MTHFD1L: variants seen among roughly 807,000 people sequenced by gnomAD.
MTHFD1L encodes methylenetetrahydrofolate dehydrogenase (NADP+ dependent) 1 like.
Under a neutral mutation model 119.5 loss-of-function variants are expected in MTHFD1L, and 81 were observed. The observed-to-expected ratio is 0.68, with a 90% CI of 0.57 to 0.82. The LOEUF is 0.82. MTHFD1L is among the 40% of genes least tolerant of loss of function. The pLI, the probability that MTHFD1L is intolerant of heterozygous loss-of-function variation, is 0.00. For missense variants in MTHFD1L, 1,125 were observed against 1,253.4 expected, an observed-to-expected ratio of 0.90 and a Z score of 1.55; for synonymous variants, 430 against 475.2, an observed-to-expected ratio of 0.90 and a Z score of 1.24.
intron 21 of MTHFD1L, among the ~76,000 whole-genome samples, chr6:151,010,764 T>C (rs1483771913): frequency 1.5e-5 from 2 of 135,836 alleles, no homozygotes; most frequent in African/African-American, 6.1e-5. Context: ...TTAATCATTT[T>C]GAAATAAAAT....
chr6:151,047,283 A>C (rs1336659786), intron 26 of MTHFD1L, among the ~76,000 whole-genome samples: 1 of 152,192 alleles, frequency 6.6e-6, no homozygotes, highest in Admixed American at 6.5e-5. Flanking sequence ...GTATATGAAA[A>C]TATTTGCAGT....
intron 26 of MTHFD1L, among the ~76,000 whole-genome samples, chr6:151,038,372 T>C (rs6910688): frequency 0.17 from 26,431 of 151,618 alleles, 3,072 homozygotes; most frequent in East Asian, 0.58. Context: ...ATACATGACA[T>C]CCTCTCCTGG....
In MTHFD1L at chr6:150,877,760, G is replaced by GTTCA. The variant is rs775194167; in HGVS notation, c.364-10_364-9insATTC. The GTTCA allele has an allele frequency of 6.2e-7, 1 of 1,614,204 alleles. No homozygotes were observed. Among genetic ancestry groups the GTTCA allele is most frequent in the Admixed American group, 1.7e-5 (1 of 60,022 alleles). On this transcript the variant is annotated splice_polypyrimidine_tract_variant and intron_variant, in intron 3 of 27. Coordinates refer to ENST00000367321, the MANE Select transcript of MTHFD1L (RefSeq NM_015440.5). ...CTCTTATAGTGACGAATAACCTTGT[G>GTTCA]TTCCTTTTTCAGGCTGGTCTGAACA...
rs561371972 is a variant in MTHFD1L, at chr6:150,992,924, A to G, written c.2126-16895A>G. Among the ~76,000 whole-genome samples, 24 of 152,358 alleles carry G rather than the reference A, an allele frequency of 1.6e-4. 2 individuals are homozygous for G. The South Asian group carries it at 5.0e-3, about 32-fold the overall frequency. Reference sequence around the variant, plus strand: ...TGTAGGCTGCTTTCCAAGGGCAGCAAGCATGGCTTCATCACTCACCCAGTG... The same window carrying G: ...TGTAGGCTGCTTTCCAAGGGCAGCAGGCATGGCTTCATCACTCACCCAGTG... On this transcript the variant is annotated intron_variant, in intron 20 of 27. Transcript: ENST00000367321.
In MTHFD1L at chr6:151,004,028, G is replaced by A. The variant is rs867509270; in HGVS notation, c.2126-5791G>A. 5.9e-3 allele frequency among the ~76,000 whole-genome samples: 705 copies of A among 119,356 alleles called. 6 individuals are homozygous for A. The highest frequency in any genetic ancestry group is 0.022 in the African/African-American group (676 of 30,964). The allele number at this position is 119,356 out of a possible 152,430, so 78.3% of individuals were successfully genotyped here. On this transcript the variant is annotated intron_variant, in intron 20 of 27. Coordinates refer to ENST00000367321, the MANE Select transcript of MTHFD1L (RefSeq NM_015440.5). ...TTTTTTAAAAAAAAAAAAAAAAAAA[G>A]AGAGAGAGAGATTGGTGATTACTTT...
intron 19 of MTHFD1L, among the ~76,000 whole-genome samples, chr6:150,971,096 G>T (rs899471895): frequency 6.6e-6 from 1 of 152,252 alleles, no homozygotes; most frequent in Non-Finnish European, 1.5e-5. Flanking sequence ...ATCAGAGGCA[G>T]TGGGGGATGG....
intron 7 of MTHFD1L, among the ~76,000 whole-genome samples, chr6:150,889,410 T>TA (rs926527981): frequency 4.1e-4 from 62 of 152,180 alleles, no homozygotes; most frequent in African/African-American, 1.4e-3. Flanking sequence ...CACAGATTGC[T>TA]AAAGAAAAGG....
chr6:150,893,139 A>G (rs1783616647), intron 7 of MTHFD1L, among the ~76,000 whole-genome samples: 1 of 152,168 alleles, frequency 6.6e-6, no homozygotes, highest in Admixed American at 6.5e-5. Flanking sequence ...ATCTCGGCTC[A>G]CTAAAGCCTC....
intron 16 of MTHFD1L, among the ~76,000 whole-genome samples, chr6:150,950,247 G>A (rs562709685): frequency 6.6e-6 from 1 of 152,100 alleles, no homozygotes; most frequent in East Asian, 1.9e-4. Context: ...TCTGCTCCCT[G>A]CCTGCTTTCT....
chr6:151,060,389 TAGA>T (rs572600899), intron 26 of MTHFD1L, among the ~76,000 whole-genome samples: 50 of 152,200 alleles, frequency 3.3e-4, no homozygotes, highest in Non-Finnish European at 5.6e-4. Context: ...ACTAGGCCAT[TAGA>T]AGAACAAACA....
At chr6:151,064,875 TCACTGCAAC>T (rs1791064344) in intron 26 of MTHFD1L, among the ~76,000 whole-genome samples, 1 of 152,068 alleles carries the variant, frequency 6.6e-6, no homozygotes, top group South Asian at 2.1e-4. Context: ...TGATCTTGGA[TCACTGCAAC>T]CTCCACCTCC....
chr6:150,923,497 T>C (rs1357678565), intron 10 of MTHFD1L, among the ~76,000 whole-genome samples: 1 of 130,260 alleles, frequency 7.7e-6, no homozygotes, highest in African/African-American at 2.7e-5. Context: ...AAAATCCCTC[T>C]AGTAACTGAC....
At chr6:151,035,186 G>A (rs563279757) in intron 25 of MTHFD1L, among the ~76,000 whole-genome samples, 596 of 152,304 alleles carry the variant, frequency 3.9e-3, no homozygotes, top group African/African-American at 0.013. Context: ...GAAGGTGGCT[G>A]TGATCTGACA....
At chr6:151,045,888 T>C (rs1787934857) in intron 26 of MTHFD1L, among the ~76,000 whole-genome samples, 1 of 152,196 alleles carries the variant, frequency 6.6e-6, no homozygotes, top group Non-Finnish European at 1.5e-5. Context: ...AAGCTACGTG[T>C]GTGTCTGTCC....
Position 150,869,240 on chromosome 6 carries a change from T to C in MTHFD1L, c.227+3191T>C, listed in dbSNP as rs907469958. Among the ~76,000 whole-genome samples the C allele has an allele frequency of 2.0e-5, 3 of 152,142 alleles. No homozygotes were observed. The South Asian group carries it at 6.2e-4, about 32-fold the overall frequency. On this transcript the variant is annotated intron_variant, in intron 1 of 27. Coordinates refer to ENST00000367321, the MANE Select transcript of MTHFD1L (RefSeq NM_015440.5). ...TTGTTACATAGGTATACATGCGCCA[T>C]GGTGGTTTGCTGCACCCATCAACCC...
chr6:150,921,385 G>A (rs1448222595), intron 9 of MTHFD1L, among the ~76,000 whole-genome samples: 2 of 152,094 alleles, frequency 1.3e-5, no homozygotes, highest in Non-Finnish European at 2.9e-5. Flanking sequence ...CTCCCAAAGA[G>A]GATTACAGGC....
At chr6:150,963,763 T>G (rs1038028176) in intron 18 of MTHFD1L, among the ~76,000 whole-genome samples, 1 of 152,146 alleles carries the variant, frequency 6.6e-6, no homozygotes, top group East Asian at 1.9e-4. Flanking sequence ...TTTCCCCCCC[T>G]AGAGCTACCG....
intron 26 of MTHFD1L, among the ~76,000 whole-genome samples, chr6:151,040,967 T>A (rs1787006801): frequency 6.6e-6 from 1 of 152,258 alleles, no homozygotes; most frequent in African/African-American, 2.4e-5. Flanking sequence ...GGATAGCTGC[T>A]GCAGCTCCCT....
At chr6:150,927,948 A>G (rs1165266917) in intron 11 of MTHFD1L, among the ~76,000 whole-genome samples, 1 of 152,162 alleles carries the variant, frequency 6.6e-6, no homozygotes, top group Non-Finnish European at 1.5e-5. Context: ...TGAACATAGA[A>G]TAGGGATGTT....
Sources: allele counts gnomAD v4.1 joint callset (sites outside exome capture counted in the v4.1 genomes callset), GRCh38; gene constraint gnomAD v4.1.1; transcripts MANE v1.5; gene names NCBI Gene and HGNC (gene_info 2026-07-23, HGNC 2026-07-21).